EYS: variants seen among roughly 807,000 people sequenced by gnomAD.
The protein encoded by EYS is EGF-like photoreceptor maintenance factor.
A neutral mutation model predicts 282.1 loss-of-function variants in EYS; 250 were observed. That is an observed-to-expected ratio of 0.89 (90% CI 0.80 to 0.98). The LOEUF is 0.98. Among genes scored for constraint, EYS ranks in the 50% least tolerant of loss-of-function variants. The pLI is 0.00. For missense variants in EYS, 4,016 were observed against 3,709.0 expected (o/e 1.08, Z -2.15); for synonymous variants, 1,355 against 1,282.9 (o/e 1.06, Z -1.20).
intron 31 of EYS, among the ~76,000 whole-genome samples, chr6:64,098,016 A>G (rs1436121010): frequency 6.6e-6 from 1 of 152,244 alleles, no homozygotes; most frequent in Non-Finnish European, 1.5e-5. Context: ...AATAAATCTC[A>G]TAATTGCAAG....
chr6:63,858,752 T>C (rs2149707078), intron 36 of EYS, among the ~76,000 whole-genome samples: 1 of 152,054 alleles, frequency 6.6e-6, no homozygotes, highest in East Asian at 1.9e-4. Flanking sequence ...TGTTGAACGG[T>C]GGGGCAATCA....
intron 19 of EYS, among the ~76,000 whole-genome samples, chr6:64,844,143 G>A (rs1295092321): frequency 3.3e-5 from 5 of 151,952 alleles, no homozygotes; most frequent in African/African-American, 1.2e-4. Context: ...CTTCCAAGTC[G>A]CTGGTATGTC....
chr6:64,375,617 C>T (rs609098), intron 29 of EYS, among the ~76,000 whole-genome samples: 95,150 of 152,006 alleles, frequency 0.63, 30,527 homozygotes, highest in South Asian at 0.71. Context: ...TACAAAAAAC[C>T]TGAAGACAGC....
chr6:63,908,807 A>G (rs1180974101), intron 35 of EYS, among the ~76,000 whole-genome samples: 2 of 152,112 alleles, frequency 1.3e-5, no homozygotes, highest in Non-Finnish European at 2.9e-5. Flanking sequence ...GCTATTTTCT[A>G]TCTAAATGGC....
chr6:65,378,047 CT>C (rs1765446043), intron 8 of EYS, among the ~76,000 whole-genome samples: 1 of 152,094 alleles, frequency 6.6e-6, no homozygotes, highest in South Asian at 2.1e-4. Context: ...TCTAATTAAA[CT>C]AAAGAGCTTC....
At chr6:64,475,372 A>G (rs1372189320) in intron 26 of EYS, among the ~76,000 whole-genome samples, 1 of 126,598 alleles carries the variant, frequency 7.9e-6, no homozygotes, top group Non-Finnish European at 1.7e-5. Flanking sequence ...TAAAACGGTG[A>G]AACCCCGTCT....
At chr6:65,152,054 G>A (rs1450009502) in intron 12 of EYS, among the ~76,000 whole-genome samples, 3 of 151,842 alleles carry the variant, frequency 2.0e-5, no homozygotes, top group Non-Finnish European at 4.4e-5. Flanking sequence ...ATTACTAATA[G>A]CAAATTACTT....
At chr6:64,916,409 A>G (rs1205754642) in intron 15 of EYS, among the ~76,000 whole-genome samples, 2 of 152,222 alleles carry the variant, frequency 1.3e-5, no homozygotes, top group Non-Finnish European at 2.9e-5. Context: ...TGATAATGCC[A>G]AGGCTGAGTT....
intron 5 of EYS, among the ~76,000 whole-genome samples, chr6:65,448,965 A>G (rs141706994): frequency 6.6e-6 from 1 of 152,244 alleles, no homozygotes; most frequent in African/African-American, 2.4e-5. Context: ...CTAGTTAGAA[A>G]CAACAGTTCT....
intron 22 of EYS, among the ~76,000 whole-genome samples, chr6:64,649,498 C>CCTGGCT (rs1419748907): frequency 2.6e-5 from 4 of 152,102 alleles, no homozygotes; most frequent in African/African-American, 9.7e-5. Context: ...TGCCACTACA[C>CCTGGCT]CTGGCTAGTA....
intron 35 of EYS, among the ~76,000 whole-genome samples, chr6:63,914,665 G>A (rs1022120401): frequency 6.6e-6 from 1 of 150,504 alleles, no homozygotes; most frequent in African/African-American, 2.5e-5. Context: ...CCAAGATTGC[G>A]CCACTGCACT....
chr6:63,981,195 CCTTTT>C (rs1369236852), intron 35 of EYS, among the ~76,000 whole-genome samples: 3 of 151,664 alleles, frequency 2.0e-5, no homozygotes, highest in Non-Finnish European at 4.4e-5. Flanking sequence ...TTCTGGTTCT[CCTTTT>C]TGGATTACTG....
At chr6:65,546,559 T>A (rs977465711) in intron 2 of EYS, among the ~76,000 whole-genome samples, 5 of 138,314 alleles carry the variant, frequency 3.6e-5, no homozygotes, top group Non-Finnish European at 6.1e-5. Context: ...TTTATTTTTT[T>A]AATACAACTT....
intron 22 of EYS, among the ~76,000 whole-genome samples, chr6:64,640,269 T>G (rs9688362): frequency 7.2e-6 from 1 of 139,450 alleles, no homozygotes; most frequent in African/African-American, 2.7e-5. Flanking sequence ...CACATGCACA[T>G]GTATGTTTAT....
intron 22 of EYS, 43 bp from the exon 23 acceptor site, chr6:64,626,288 CA>C: frequency 6.7e-7 from 1 of 1,499,076 alleles, no homozygotes; most frequent in Non-Finnish European, 8.8e-7. Context: ...ATATTATACA[CA>C]TGAGCACTAT....
chr6:65,045,888 T>C (rs1434150666), intron 13 of EYS, among the ~76,000 whole-genome samples: 3 of 151,946 alleles, frequency 2.0e-5, no homozygotes, highest in African/African-American at 7.2e-5. Flanking sequence ...TTGGTAGATT[T>C]GTTATAGCAC....
intron 2 of EYS, among the ~76,000 whole-genome samples, chr6:65,550,916 T>C (rs1261273819): frequency 5.2e-5 from 1 of 19,260 alleles, no homozygotes; most frequent in Non-Finnish European, 7.4e-5. Context: ...ATCGCCACAC[T>C]GACTTCCACA....
chr6:65,328,637 A>T (rs1309487178), intron 11 of EYS, among the ~76,000 whole-genome samples: 1 of 151,132 alleles, frequency 6.6e-6, no homozygotes, highest in Non-Finnish European at 1.5e-5. Flanking sequence ...AAATTTTAAA[A>T]TATAAATGGG....
At chr6:63,921,918 A>G (rs1043181047) in intron 35 of EYS, among the ~76,000 whole-genome samples, 7 of 152,226 alleles carry the variant, frequency 4.6e-5, no homozygotes, top group Admixed American at 1.3e-4. Flanking sequence ...TGAGCAATGC[A>G]TGGAAAAGGT....
Sources: allele counts gnomAD v4.1 joint callset (sites outside exome capture counted in the v4.1 genomes callset), GRCh38; gene constraint gnomAD v4.1.1; transcripts MANE v1.5; gene names NCBI Gene and HGNC (gene_info 2026-07-23, HGNC 2026-07-21).